The following PPP3CA variants were observed in gnomAD, a reference collection of about 807,000 sequenced individuals.
The protein encoded by PPP3CA is CAM-PRP catalytic subunit.
In PPP3CA, 14 loss-of-function variants were observed where a neutral mutation model predicts 66.5. The ratio of observed to expected loss-of-function variants is 0.21; its 90% CI spans 0.14 to 0.33. The LOEUF (loss-of-function observed/expected upper bound fraction) is 0.33, where lower values mean the gene tolerates loss of function less well. Among genes scored for constraint, PPP3CA ranks in the 10% least tolerant of loss-of-function variants. The pLI, the probability that PPP3CA is intolerant of heterozygous loss-of-function variation, is 1.00. For missense variants in PPP3CA, 317 were observed against 639.5 expected, an observed-to-expected ratio of 0.50 and a Z score of 5.44; for synonymous variants, 232 against 226.2, an observed-to-expected ratio of 1.03 and a Z score of -0.23.
At chr4:101,130,886 T>C (rs1453380700) in intron 2 of PPP3CA, among the ~76,000 whole-genome samples, 2 of 152,110 alleles carry the variant, frequency 1.3e-5, no homozygotes, top group Non-Finnish European at 2.9e-5. Context: ...AATTCACACA[T>C]AACAATATTA....
chr4:101,186,744 C>T (rs187770039), intron 2 of PPP3CA, among the ~76,000 whole-genome samples: 1,755 of 152,208 alleles, frequency 0.012, 17 homozygotes, highest in Non-Finnish European at 0.019. Context: ...CACAGCACAG[C>T]CCTCTCAGTC....
chr4:101,083,717 A>G (rs1425132501), intron 6 of PPP3CA, among the ~76,000 whole-genome samples: 1 of 152,178 alleles, frequency 6.6e-6, no homozygotes, highest in Non-Finnish European at 1.5e-5. Flanking sequence ...AAGAGAATAC[A>G]TATGCTCTCT....
chr4:101,200,200 A>C (rs926663437), intron 1 of PPP3CA, among the ~76,000 whole-genome samples: 5 of 152,124 alleles, frequency 3.3e-5, no homozygotes, highest in Admixed American at 3.3e-4. Flanking sequence ...GAAACATCTG[A>C]GGGTCATTGC....
intron 1 of PPP3CA, among the ~76,000 whole-genome samples, chr4:101,284,999 T>C (rs1361359481): frequency 6.6e-6 from 1 of 152,190 alleles, no homozygotes; most frequent in Non-Finnish European, 1.5e-5. Context: ...GCAAGTTCTT[T>C]TGGCATCTTC....
At position 101,138,141 on chromosome 4, in the gene PPP3CA, C is replaced by A. The variant is rs1722683021; in HGVS notation, c.260-29063G>T. On this transcript the variant is annotated intron_variant, in intron 2 of 13. Coordinates refer to ENST00000394854, the MANE Select transcript of PPP3CA (RefSeq NM_000944.5). ...TCTAAATTCCTCATCATGGCACTAC[C>A]ATAACATATTCTGTCCTCTCAATAC... is the stretch of plus-strand genomic sequence containing the variant. Among the ~76,000 whole-genome samples, 3 of 152,154 alleles carry A rather than the reference C, an allele frequency of 2.0e-5. No individual in the cohort carries two copies. In the East Asian group the frequency reaches 5.8e-4, roughly 29 times the overall value.
chr4:101,129,240 G>GCCCCA (rs1262252862), intron 2 of PPP3CA, among the ~76,000 whole-genome samples: 2 of 152,174 alleles, frequency 1.3e-5, no homozygotes, highest in East Asian at 3.9e-4. Context: ...AATGGCAGCA[G>GCCCCA]CCCCAGTCAG....
intron 2 of PPP3CA, among the ~76,000 whole-genome samples, chr4:101,177,003 A>G (rs1199093174): frequency 6.6e-6 from 1 of 152,208 alleles, no homozygotes; most frequent in African/African-American, 2.4e-5. Context: ...GCATATTTAA[A>G]TAAGAAAATG....
At chr4:101,269,553 CGTGTGTGTGTGT>C (rs55721209) in intron 1 of PPP3CA, among the ~76,000 whole-genome samples, 1,784 of 135,972 alleles carry the variant, frequency 0.013, 11 homozygotes, top group Non-Finnish European at 0.019. Flanking sequence ...AAACAAGGAA[CGTGTGTGTGTGT>C]GTGTGTGTGT....
chr4:101,057,997 T>C (rs1210427428), intron 10 of PPP3CA, among the ~76,000 whole-genome samples: 1 of 152,140 alleles, frequency 6.6e-6, no homozygotes, highest in Non-Finnish European at 1.5e-5. Flanking sequence ...GATTAGATGA[T>C]TGTTTCTCTT....
intron 2 of PPP3CA, among the ~76,000 whole-genome samples, chr4:101,140,275 G>C (rs1232409030): frequency 6.6e-6 from 1 of 152,148 alleles, no homozygotes; most frequent in Admixed American, 6.5e-5. Flanking sequence ...AATTAAACTA[G>C]ATTTTAGTGT....
intron 10 of PPP3CA, among the ~76,000 whole-genome samples, chr4:101,049,630 A>G (rs1003522977): frequency 9.2e-5 from 14 of 152,048 alleles, no homozygotes; most frequent in Non-Finnish European, 1.6e-4. Context: ...TGCATACGTG[A>G]TAAGTGCTGG....
At chr4:101,326,393 G>A (rs1342417028) in intron 1 of PPP3CA, among the ~76,000 whole-genome samples, 1 of 152,064 alleles carries the variant, frequency 6.6e-6, no homozygotes, top group Non-Finnish European at 1.5e-5. Context: ...GATTACCTTA[G>A]GGATTAAAAG....
At chr4:101,273,484 G>A (rs887899139) in intron 1 of PPP3CA, among the ~76,000 whole-genome samples, 2 of 152,044 alleles carry the variant, frequency 1.3e-5, no homozygotes, top group Non-Finnish European at 2.9e-5. Flanking sequence ...ATGCCACCAT[G>A]CTCAGCTAAT....
At chr4:101,308,955 G>A (rs1385785228) in intron 1 of PPP3CA, among the ~76,000 whole-genome samples, 3 of 152,024 alleles carry the variant, frequency 2.0e-5, no homozygotes, top group Non-Finnish European at 4.4e-5. Context: ...GGGAAACTCC[G>A]TCTCTACAAA....
intron 2 of PPP3CA, among the ~76,000 whole-genome samples, chr4:101,160,804 T>G (rs1162012613): frequency 6.6e-6 from 1 of 152,096 alleles, no homozygotes; most frequent in Non-Finnish European, 1.5e-5. Context: ...AGTGAAGGTA[T>G]CCAAATTGGT....
At chr4:101,121,320 T>A (rs947867745) in intron 2 of PPP3CA, among the ~76,000 whole-genome samples, 27 of 152,240 alleles carry the variant, frequency 1.8e-4, no homozygotes, top group Admixed American at 7.2e-4. Context: ...AATTTCTAGC[T>A]GCATTACCTT....
chr4:101,042,219 C>T (rs995840221), intron 10 of PPP3CA, among the ~76,000 whole-genome samples: 1 of 100,728 alleles, frequency 9.9e-6, no homozygotes, highest in Non-Finnish European at 1.8e-5. Context: ...AAAGTGAAAA[C>T]ATATGGGTCA....
chr4:101,336,902 T>G (rs748317093), intron 1 of PPP3CA, among the ~76,000 whole-genome samples: 4 of 152,134 alleles, frequency 2.6e-5, no homozygotes, highest in Non-Finnish European at 5.9e-5. Flanking sequence ...ACCTTCCAAT[T>G]CTGGGAGTCT....
intron 2 of PPP3CA, among the ~76,000 whole-genome samples, chr4:101,118,836 T>C (rs946050187): frequency 1.5e-4 from 23 of 152,022 alleles, no homozygotes; most frequent in African/African-American, 5.3e-4. Flanking sequence ...TTCTTTTTAC[T>C]ACATTTTTAA....
Sources: allele counts gnomAD v4.1 joint callset (sites outside exome capture counted in the v4.1 genomes callset), GRCh38; gene constraint gnomAD v4.1.1; transcripts MANE v1.5; gene names NCBI Gene and HGNC (gene_info 2026-07-23, HGNC 2026-07-21).